GRIP1: variants seen among roughly 807,000 people sequenced by gnomAD.
GRIP1 encodes glutamate receptor-interacting protein 1.
In GRIP1, 45 loss-of-function variants were observed where a neutral mutation model predicts 129.9. The ratio of observed to expected loss-of-function variants is 0.35; its 90% CI spans 0.27 to 0.44. GRIP1 has a LOEUF of 0.44. Ranked by LOEUF, GRIP1 falls within the 20% of genes least tolerant of loss-of-function variation. The probability of loss-of-function intolerance (pLI) is 1.00; values close to 1 mark genes in which losing one functional copy is unlikely to be tolerated. For synonymous variants in GRIP1, 530 were observed against 520.8 expected (o/e 1.02, Z -0.24); for missense variants, 1,196 against 1,396.8 (o/e 0.86, Z 2.29).
At chr12:66,970,067 T>C (rs1402234544) in intron 1 of GRIP1, among the ~76,000 whole-genome samples, 1 of 152,134 alleles carries the variant, frequency 6.6e-6, no homozygotes, top group Non-Finnish European at 1.5e-5. Context: ...CTACAGGCTG[T>C]TTTTCCTTGC....
chr12:66,642,698 T>C (rs1412732441), intron 1 of GRIP1, among the ~76,000 whole-genome samples: 3 of 152,162 alleles, frequency 2.0e-5, no homozygotes, highest in African/African-American at 7.2e-5. Flanking sequence ...TTGCAAATTA[T>C]GAACAATGAT....
chr12:66,750,884 T>C (rs2037105118), intron 1 of GRIP1, among the ~76,000 whole-genome samples: 1 of 152,186 alleles, frequency 6.6e-6, no homozygotes, highest in South Asian at 2.1e-4. Context: ...ATTATTTACA[T>C]GTGATCATTA....
intron 1 of GRIP1, among the ~76,000 whole-genome samples, chr12:66,957,953 T>C (rs1338717781): frequency 6.6e-6 from 1 of 152,146 alleles, no homozygotes; most frequent in African/African-American, 2.4e-5. Flanking sequence ...GATTTGTCTC[T>C]AGCCCTCATT....
intron 1 of GRIP1, among the ~76,000 whole-genome samples, chr12:66,981,558 A>G (rs1030636943): frequency 6.6e-6 from 1 of 152,292 alleles, no homozygotes; most frequent in Middle Eastern, 3.4e-3. Flanking sequence ...CACCTAAAGA[A>G]TAAGTTCCTA....
intron 1 of GRIP1, among the ~76,000 whole-genome samples, chr12:66,645,093 A>C (rs968345674): frequency 6.6e-6 from 1 of 152,198 alleles, no homozygotes; most frequent in Non-Finnish European, 1.5e-5. Context: ...TAGTTTTATC[A>C]TGGTATCTTT....
At chr12:66,918,275 A>G (rs765632389) in intron 1 of GRIP1, among the ~76,000 whole-genome samples, 6 of 152,100 alleles carry the variant, frequency 3.9e-5, no homozygotes, top group Non-Finnish European at 8.8e-5. Context: ...TTCTAGTTTG[A>G]AGGCAGTTAG....
In GRIP1 at chr12:66,412,973, C is replaced by G. The variant is rs551917133; in HGVS notation, c.1839-6545G>C. Among the ~76,000 whole-genome samples the G allele has an allele frequency of 3.7e-4, 56 of 152,224 alleles. No homozygotes were observed. In the Middle Eastern group the frequency reaches 0.014, roughly 37 times the overall value. ...GATTCATAAAGCAAGTTCTTAGAGA[C>G]CTATGAAGAAACTTATACTCCCACA... is the stretch of plus-strand genomic sequence containing the variant. On this transcript the variant is annotated intron_variant, in intron 15 of 24. Transcript: ENST00000359742.
At chr12:66,759,015 C>T (rs2037388060) in intron 1 of GRIP1, among the ~76,000 whole-genome samples, 4 of 152,204 alleles carry the variant, frequency 2.6e-5, no homozygotes, top group African/African-American at 9.7e-5. Context: ...TCCCTCTTCT[C>T]ACAGCTCTGC....
At chr12:67,026,160 C>T (rs575243611) in intron 1 of GRIP1, among the ~76,000 whole-genome samples, 2 of 152,054 alleles carry the variant, frequency 1.3e-5, no homozygotes, top group Non-Finnish European at 1.5e-5. Context: ...ACCTTAGATG[C>T]TCTCTGTCAA....
chr12:66,706,567 G>A (rs536625111), intron 1 of GRIP1, among the ~76,000 whole-genome samples: 6 of 151,966 alleles, frequency 3.9e-5, no homozygotes, highest in Admixed American at 1.3e-4. Context: ...ACATGCACAC[G>A]TATGCTTATT....
intron 6 of GRIP1, among the ~76,000 whole-genome samples, chr12:66,516,937 C>T (rs2060862164): frequency 6.6e-6 from 1 of 152,156 alleles, no homozygotes; most frequent in African/African-American, 2.4e-5. Flanking sequence ...GCAGTTCTGT[C>T]ATCTGTAAAT....
chr12:66,886,071 T>C (rs1317331557), intron 1 of GRIP1, among the ~76,000 whole-genome samples: 1 of 152,168 alleles, frequency 6.6e-6, no homozygotes, highest in East Asian at 1.9e-4. Flanking sequence ...GAGACCAGCC[T>C]GGCCAACACG....
intron 1 of GRIP1, among the ~76,000 whole-genome samples, chr12:66,602,848 CTTTTTTT>C (rs71436016): frequency 2.8e-4 from 20 of 71,660 alleles, no homozygotes; most frequent in African/African-American, 8.5e-4. Flanking sequence ...AGATCTTTTG[CTTTTTTT>C]TTTTTTTTTT....
intron 14 of GRIP1, among the ~76,000 whole-genome samples, chr12:66,425,650 T>G (rs1192751708): frequency 1.3e-5 from 2 of 152,068 alleles, no homozygotes; most frequent in African/African-American, 2.4e-5. Context: ...CCATAAAAAA[T>G]AATGAGTTCA....
rs888614796 is a variant in GRIP1, at chr12:66,797,346, C to T, written c.-420+6707G>A. Among the ~76,000 whole-genome samples the T allele has an allele frequency of 5.9e-5, 9 of 152,146 alleles. 1 individual carries two copies. The highest frequency in any genetic ancestry group is 5.2e-4 in the Admixed American group (8 of 15,258). ...TTTGCCCACTAGCTATCCCCTTCTT[C>T]CAGCTGTTTGGGATGTATGCTGCCC... On this transcript the variant is annotated intron_variant, in intron 1 of 4. Transcript: ENST00000538373.
intron 1 of GRIP1, among the ~76,000 whole-genome samples, chr12:66,651,905 C>T (rs1269954656): frequency 6.6e-6 from 1 of 151,918 alleles, no homozygotes; most frequent in African/African-American, 2.4e-5. Flanking sequence ...CATTTCCTAC[C>T]ATAATGTACA....
intron 1 of GRIP1, among the ~76,000 whole-genome samples, chr12:67,053,951 T>G (rs965390445): frequency 2.6e-5 from 4 of 152,144 alleles, no homozygotes; most frequent in African/African-American, 9.7e-5. Flanking sequence ...ATTTAGACAT[T>G]AAAAGGCAGT....
upstream of GRIP1, among the ~76,000 whole-genome samples, chr12:66,806,824 GATTACATTTGTTAAC>G (rs1248348496): frequency 2.0e-5 from 3 of 151,288 alleles, no homozygotes; most frequent in Admixed American, 2.0e-4. Flanking sequence ...ACTTCTGAAG[GATTACATTTGTTAAC>G]ATTTCAGTAT....
chr12:67,015,746 TC>T (rs1229733242), intron 1 of GRIP1, among the ~76,000 whole-genome samples: 2 of 152,208 alleles, frequency 1.3e-5, no homozygotes, highest in Non-Finnish European at 2.9e-5. Context: ...GAGAGCAATT[TC>T]CCTTGAATTT....
Sources: gnomAD v4.1 joint callset for allele counts (sites outside exome capture counted in the v4.1 genomes callset) on GRCh38, gnomAD v4.1.1 for gene constraint, MANE v1.5 for transcripts, NCBI Gene and HGNC (gene_info 2026-07-23, HGNC 2026-07-21) for gene names.